ERC2: variants seen among roughly 807,000 people sequenced by gnomAD.
ERC2 encodes the protein ELKS/RAB6-interacting/CAST family member 2.
A neutral mutation model predicts 114.8 loss-of-function variants in ERC2; 42 were observed. That is an observed-to-expected ratio of 0.37 (90% CI 0.29 to 0.47). The LOEUF (loss-of-function observed/expected upper bound fraction) is 0.47, where lower values mean the gene tolerates loss of function less well. ERC2 is among the 20% of genes least tolerant of loss of function. The probability of loss-of-function intolerance (pLI) is 0.99; values close to 1 mark genes in which losing one functional copy is unlikely to be tolerated. For missense variants in ERC2, 939 were observed against 1,150.7 expected (o/e 0.82, Z 2.66); for synonymous variants, 454 against 425.5 (o/e 1.07, Z -0.82).
intron 3 of ERC2, among the ~76,000 whole-genome samples, chr3:56,232,379 A>G (rs1239453099): frequency 6.6e-6 from 1 of 152,198 alleles, no homozygotes; most frequent in Non-Finnish European, 1.5e-5. Flanking sequence ...GATACATTAG[A>G]TCAATTCAAG....
At chr3:55,547,673 G>A (rs1351797576) in intron 17 of ERC2, among the ~76,000 whole-genome samples, 2 of 152,222 alleles carry the variant, frequency 1.3e-5, no homozygotes, top group South Asian at 2.1e-4. Flanking sequence ...TAAAAAGCTA[G>A]TGCAGTTTCT....
At chr3:56,082,747 G>A (rs1362007611) in intron 6 of ERC2, among the ~76,000 whole-genome samples, 1 of 152,140 alleles carries the variant, frequency 6.6e-6, no homozygotes, top group African/African-American at 2.4e-5. Context: ...CCTTGGACCA[G>A]TTCCGGTCCA....
At chr3:56,140,881 A>T (rs891359561) in intron 5 of ERC2, among the ~76,000 whole-genome samples, 1 of 152,046 alleles carries the variant, frequency 6.6e-6, no homozygotes, top group African/African-American at 2.4e-5. Context: ...AAAATTAGCC[A>T]GCTGTGGTGG....
At chr3:56,418,145 A>G (rs1174774065) in intron 2 of ERC2, among the ~76,000 whole-genome samples, 4 of 152,016 alleles carry the variant, frequency 2.6e-5, no homozygotes, top group Non-Finnish European at 5.9e-5. Flanking sequence ...GTTTAATAAA[A>G]ATATTAGGTG....
intron 17 of ERC2, among the ~76,000 whole-genome samples, chr3:55,640,824 A>T (rs2060147079): frequency 6.6e-6 from 1 of 152,120 alleles, no homozygotes; most frequent in Non-Finnish European, 1.5e-5. Context: ...CCTGTTCATT[A>T]CTCAGTACAA....
intron 17 of ERC2, among the ~76,000 whole-genome samples, chr3:55,576,125 A>C (rs907089660): frequency 6.6e-6 from 1 of 151,998 alleles, no homozygotes; most frequent in African/African-American, 2.4e-5. Context: ...AGCCTGGCCA[A>C]ATGGTGAAAC....
At position 55,546,299 on chromosome 3, in the gene ERC2, C is replaced by T. The variant is rs576561022; in HGVS notation, c.*40-35023G>A. Among the ~76,000 whole-genome samples, 32 of 152,272 alleles carry T rather than the reference C, an allele frequency of 2.1e-4. No homozygotes were observed. The South Asian group carries it at 5.0e-3, about 24-fold the overall frequency. ...CCTTTGCCTTCCCTATGCCCTCCTC[C>T]GGGAGCACTGTCCCCTCAGCCCTGG... On this transcript the variant is annotated intron_variant, in intron 17 of 17. Coordinates refer to ENST00000288221, the MANE Select transcript of ERC2 (RefSeq NM_015576.3).
chr3:55,705,587 C>A (rs1271134081), intron 15 of ERC2, among the ~76,000 whole-genome samples: 1 of 152,142 alleles, frequency 6.6e-6, no homozygotes, highest in Non-Finnish European at 1.5e-5. Context: ...GGAAAATGGG[C>A]CAGGCTCTTG....
chr3:55,545,624 A>G (rs76331871), intron 17 of ERC2, among the ~76,000 whole-genome samples: 1,572 of 152,316 alleles, frequency 0.01, 17 homozygotes, highest in Middle Eastern at 0.031. Context: ...GCACTCACAG[A>G]AAACCTCTGC....
chr3:56,380,334 A>C (rs962706832), intron 2 of ERC2, among the ~76,000 whole-genome samples: 2 of 152,166 alleles, frequency 1.3e-5, no homozygotes, highest in African/African-American at 2.4e-5. Flanking sequence ...GTATATTTTT[A>C]CTGCTAGCCC....
intron 14 of ERC2, among the ~76,000 whole-genome samples, chr3:55,808,757 C>CATATATATAT (rs59418105): frequency 3.1e-5 from 3 of 96,990 alleles, no homozygotes; most frequent in African/African-American, 1.2e-4. Flanking sequence ...TATAACTAAA[C>CATATATATAT]ATATATATAT....
At chr3:55,615,281 T>G (rs572396391) in intron 17 of ERC2, among the ~76,000 whole-genome samples, 2 of 152,334 alleles carry the variant, frequency 1.3e-5, no homozygotes, top group South Asian at 4.1e-4. Flanking sequence ...ACAGACAAAG[T>G]TGACAAATTT....
intron 2 of ERC2, among the ~76,000 whole-genome samples, chr3:56,354,996 A>G (rs530084709): frequency 6.6e-6 from 1 of 152,374 alleles, no homozygotes; most frequent in East Asian, 1.9e-4. Flanking sequence ...AGGGAGATAC[A>G]GAAACATCAT....
At chr3:56,161,929 G>C (rs549384284) in intron 4 of ERC2, among the ~76,000 whole-genome samples, 1 of 152,062 alleles carries the variant, frequency 6.6e-6, no homozygotes, top group Admixed American at 6.6e-5. Context: ...TGTTGAATAC[G>C]AGTAATGAGA....
Position 55,639,628 on chromosome 3 carries a change from G to A in ERC2, c.*39+44166C>T, listed in dbSNP as rs1435036369. On this transcript the variant is annotated intron_variant, in intron 17 of 17. Transcript: ENST00000288221. ...TGAAAGCTCTGTTGCTTAAATCTAC[G>A]TCAGTCAGGAAAGATTTCCTGTGTA... Among the ~76,000 whole-genome samples the A allele has an allele frequency of 5.5e-4, 83 of 151,652 alleles. 1 individual carries two copies. Among genetic ancestry groups the A allele is most frequent in the Admixed American group, 5.3e-3 (80 of 15,202 alleles).
chr3:55,692,255 C>T (rs1026413077), intron 16 of ERC2, among the ~76,000 whole-genome samples: 2 of 152,168 alleles, frequency 1.3e-5, no homozygotes, highest in Non-Finnish European at 2.9e-5. Context: ...CGGGATCCCA[C>T]GGCCTCAAGC....
chr3:56,287,029 G>T (rs147369392), intron 3 of ERC2, among the ~76,000 whole-genome samples: 1 of 152,066 alleles, frequency 6.6e-6, no homozygotes, highest in Non-Finnish European at 1.5e-5. Flanking sequence ...CCTTTTTAGC[G>T]CTCTATCCGA....
intron 15 of ERC2, among the ~76,000 whole-genome samples, chr3:55,705,232 C>T (rs1198857706): frequency 6.6e-6 from 1 of 152,118 alleles, no homozygotes; most frequent in African/African-American, 2.4e-5. Flanking sequence ...TCAAATAAGG[C>T]TCCATGGGTC....
At chr3:55,998,580 GCTGGGAGATAA>G (rs2071784187) in intron 10 of ERC2, among the ~76,000 whole-genome samples, 1 of 152,140 alleles carries the variant, frequency 6.6e-6, no homozygotes, top group Non-Finnish European at 1.5e-5. Flanking sequence ...TTTCCACTGT[GCTGGGAGATAA>G]CTGGTTTAAG....
Sources: allele counts gnomAD v4.1 joint callset (sites outside exome capture counted in the v4.1 genomes callset), GRCh38; gene constraint gnomAD v4.1.1; transcripts MANE v1.5; gene names NCBI Gene and HGNC (gene_info 2026-07-23, HGNC 2026-07-21).